Variants in GON4L observed in about 807,000 individuals in gnomAD.
The protein encoded by GON4L is gon-4 like, also known as GON-4-like protein.
A neutral mutation model predicts 211.8 loss-of-function variants in GON4L; 87 were observed. That is an observed-to-expected ratio of 0.41 (90% CI 0.35 to 0.49). The LOEUF is 0.49. Among genes scored for constraint, GON4L ranks in the 20% least tolerant of loss-of-function variants. GON4L has a pLI of 0.15. For synonymous variants in GON4L, 875 were observed against 962.6 expected (o/e 0.91, Z 1.68); for missense variants, 2,155 against 2,659.5 (o/e 0.81, Z 4.17).
chr1:155,850,472 G>T (rs532553386), intron 2 of GON4L, among the ~76,000 whole-genome samples: 23 of 152,326 alleles, frequency 1.5e-4, no homozygotes, highest in Non-Finnish European at 2.5e-4. Flanking sequence ...TTCCACAGGA[G>T]AGCACTTTTC....
chr1:155,794,971 C>T, intron 12 of GON4L, 79 bp downstream of exon 12: 1 of 833,482 alleles, frequency 1.2e-6, no homozygotes, highest in South Asian at 1.3e-5. Flanking sequence ...CTGCAAACTT[C>T]ACCCCTAAAA....
chr1:155,821,604 C>A (rs185233552), intron 4 of GON4L, 56 bp from the exon 5 acceptor site: 1 of 956,628 alleles, frequency 1.0e-6, no homozygotes, highest in Non-Finnish European at 1.7e-6. Context: ...CTAGACAATA[C>A]TCATCTCTCC....
intron 29 of GON4L, among the ~76,000 whole-genome samples, 153 bp from the exon 30 acceptor site, chr1:155,752,743 G>A (rs1660739347): frequency 1.3e-5 from 2 of 152,174 alleles, no homozygotes; most frequent in Non-Finnish European, 1.5e-5. Flanking sequence ...ACTTTGGGAA[G>A]CCAAAGTGGT....
chr1:155,790,037 C>T (rs1026269667), intron 12 of GON4L, among the ~76,000 whole-genome samples: 4 of 152,074 alleles, frequency 2.6e-5, no homozygotes, highest in Non-Finnish European at 5.9e-5. Context: ...CTTCTGGGCT[C>T]AAGGGATCCT....
chr1:155,793,057 C>T (rs1665756441), intron 12 of GON4L, among the ~76,000 whole-genome samples: 1 of 152,136 alleles, frequency 6.6e-6, no homozygotes, highest in African/African-American at 2.4e-5. Context: ...AGCCATGAGC[C>T]ACTGTGCCCC....
At chr1:155,852,879 A>G (rs1222099581) in intron 2 of GON4L, among the ~76,000 whole-genome samples, 1 of 152,194 alleles carries the variant, frequency 6.6e-6, no homozygotes, top group African/African-American at 2.4e-5. Flanking sequence ...TTGGGAGGCC[A>G]AGGCAAACGT....
intron 2 of GON4L, among the ~76,000 whole-genome samples, chr1:155,832,500 G>A (rs1354490338): frequency 6.6e-6 from 1 of 151,772 alleles, no homozygotes; most frequent in Non-Finnish European, 1.5e-5. Context: ...TTAGCCAGGT[G>A]TGGTGGCAGG....
At chr1:155,754,030 CTG>C (rs1418587811) in intron 28 of GON4L, 2 of 368,794 alleles carry the variant, frequency 5.4e-6, no homozygotes, top group Non-Finnish European at 1.0e-5. Flanking sequence ...TCACCAAGAA[CTG>C]TGTTTTTCCT....
intron 11 of GON4L, among the ~76,000 whole-genome samples, chr1:155,803,403 C>T (rs911664606): frequency 6.6e-6 from 1 of 152,116 alleles, no homozygotes; most frequent in Non-Finnish European, 1.5e-5. Flanking sequence ...CACCACCACG[C>T]CCAGCAAATT....
intron 9 of GON4L, 22 bp downstream of exon 9, chr1:155,814,308 C>T: frequency 6.2e-7 from 1 of 1,606,438 alleles, no homozygotes; most frequent in South Asian, 1.1e-5. Context: ...TCTAACATCT[C>T]TTTTGTATGA....
chr1:155,771,569 C>CTTG (rs752545912), intron 18 of GON4L, among the ~76,000 whole-genome samples: 6 of 152,158 alleles, frequency 3.9e-5, no homozygotes, highest in Non-Finnish European at 7.3e-5. Flanking sequence ...AATGCCTGGG[C>CTTG]TCAAGCGATT....
intron 19 of GON4L, among the ~76,000 whole-genome samples, chr1:155,768,701 T>A (rs1317382438): frequency 6.6e-6 from 1 of 151,880 alleles, no homozygotes; most frequent in African/African-American, 2.4e-5. Context: ...CACCTTGGCC[T>A]CCCAAAGTGC....
chr1:155,852,047 C>T (rs866428058), intron 2 of GON4L, among the ~76,000 whole-genome samples: 5 of 150,102 alleles, frequency 3.3e-5, no homozygotes, highest in Middle Eastern at 3.4e-3. Context: ...CACCTGTAAT[C>T]CCAGCTACTC....
intron 12 of GON4L, among the ~76,000 whole-genome samples, chr1:155,792,077 C>T (rs1311196222): frequency 6.6e-6 from 1 of 151,980 alleles, no homozygotes; most frequent in African/African-American, 2.4e-5. Context: ...AGGAGGTGTT[C>T]AAGTTTACAA....
In GON4L at chr1:155,815,901, C is replaced by CTACAT. The variant is rs749550535; in HGVS notation, c.1066-6_1066-2dup. ...GGTGGATATCCACAAACTGAGGAGG[C>CTACAT]TACATTAGTACAATTAGAAAGAAAT... On this transcript the variant is annotated splice_acceptor_variant, in intron 7 of 31. Coordinates refer to ENST00000368331, the MANE Select transcript of GON4L (RefSeq NM_001282860.2). LOFTEE classifies it high-confidence loss of function. The CTACAT allele has an allele frequency of 6.6e-6, 10 of 1,508,468 alleles. No individual in the cohort carries two copies. The highest frequency in any genetic ancestry group is 9.2e-6 in the Non-Finnish European group (10 of 1,084,586). 93.4% of individuals were successfully genotyped at this position (1,508,468 alleles called of 1,614,324 possible). A position where few individuals can be genotyped will look rare whatever the true frequency, so the allele number is the denominator to read the frequency against.
At chr1:155,824,127 T>C (rs187052752) in intron 3 of GON4L, among the ~76,000 whole-genome samples, 1 of 151,846 alleles carries the variant, frequency 6.6e-6, no homozygotes, top group African/African-American at 2.4e-5. Context: ...CAAATGCTCA[T>C]CAAGAATTGA....
chr1:155,816,128 G>A, intron 7 of GON4L, 84 bp downstream of exon 7: 1 of 748,334 alleles, frequency 1.3e-6, no homozygotes, highest in Non-Finnish European at 2.4e-6. Flanking sequence ...GATTGATCAA[G>A]AAAAGTTAAA....
chr1:155,820,154 T>C lies in GON4L; in HGVS notation c.1014+452A>G, dbSNP rs182433277. ...GTCTCGAACTCCTGACTTCAAGTGA[T>C]CCATCTGCCTCGGCCTCCCAAAGTG... On this transcript the variant is annotated intron_variant, in intron 6 of 31. Transcript: ENST00000368331. Among the ~76,000 whole-genome samples, 639 of 152,246 alleles carry C rather than the reference T, an allele frequency of 4.2e-3. 4 individuals carry two copies. Among genetic ancestry groups the C allele is most frequent in the African/African-American group, 0.015 (623 of 41,548 alleles).
chr1:155,772,575 A>G (rs1296592876), intron 18 of GON4L, among the ~76,000 whole-genome samples: 1 of 148,846 alleles, frequency 6.7e-6, no homozygotes, highest in Non-Finnish European at 1.5e-5. Flanking sequence ...TAACACAGAG[A>G]GACCCTCATC....
Sources: gnomAD v4.1 joint callset for allele counts (sites outside exome capture counted in the v4.1 genomes callset) on GRCh38, gnomAD v4.1.1 for gene constraint, MANE v1.5 for transcripts, NCBI Gene and HGNC (gene_info 2026-07-23, HGNC 2026-07-21) for gene names.